The following PLIN4 variants were observed in gnomAD, a reference collection of about 807,000 sequenced individuals.
PLIN4 encodes the protein perilipin 4.
In PLIN4, 57 loss-of-function variants were observed where a neutral mutation model predicts 52.4. That is an observed-to-expected ratio of 1.09 (90% CI 0.88 to 1.36). The LOEUF is 1.36. PLIN4 is among the 40% of genes most tolerant of loss of function. PLIN4 has a pLI of 0.00. For missense variants in PLIN4, 1,757 were observed against 1,770.3 expected, an observed-to-expected ratio of 0.99 and a Z score of 0.13; for synonymous variants, 826 against 785.4, an observed-to-expected ratio of 1.05 and a Z score of -0.86.
At chr19:4,514,924 C>T (rs1283201109) in intron 4 of PLIN4, among the ~76,000 whole-genome samples, 1 of 151,322 alleles carries the variant, frequency 6.6e-6, no homozygotes, top group Non-Finnish European at 1.5e-5. Context: ...GCCTGTAATC[C>T]CAGCACTTTG....
Position 4,504,357 on chromosome 19 carries a change from T to G in PLIN4, c.*102A>C. 2 of 1,204,400 alleles carry G rather than the reference T, an allele frequency of 1.7e-6. No homozygotes were observed. Among genetic ancestry groups the G allele is most frequent in the Non-Finnish European group, 2.2e-6 (2 of 890,956 alleles). 74.6% of individuals were successfully genotyped at this position (1,204,400 alleles called of 1,614,324 possible). A position where few individuals can be genotyped will look rare whatever the true frequency, so the allele number is the denominator to read the frequency against. The stretch of plus-strand genomic sequence containing the variant: ...GCTGCAGCCCCAAAGGTCTAGGGCT[T>G]TAGGGAACCGATCCAGGTTTGGGGG... On this transcript the variant is annotated 3_prime_UTR_variant, in exon 8 of 8. Coordinates refer to ENST00000301286, the MANE Select transcript of PLIN4 (RefSeq NM_001367868.2).
rs371086662 is a variant in PLIN4, at chr19:4,510,572, C to T, written c.3388G>A (p.Gly1130Ser). Reference sequence around the variant, plus strand: ...GCCAAAAGCCCCGTGTCCTCCCTGCCTGGGGCGGCCCCTTGGGTGAACGTC... The same window carrying T: ...GCCAAAAGCCCCGTGTCCTCCCTGCTTGGGGCGGCCCCTTGGGTGAACGTC... ...VATFTQGAAP[G>S]REDTGLLATT... is the part of the protein sequence containing the mutation. The change falls in exon 5 of 8, where the codon GGC becomes AGC. Residue 1130 changes from glycine (G) to serine (S), a missense_variant. Gly to Ser is a moderately conservative substitution (Grantham distance 56). Coordinates refer to ENST00000301286, the MANE Select transcript of PLIN4 (RefSeq NM_001367868.2). 32 of 1,501,692 alleles carry T rather than the reference C, an allele frequency of 2.1e-5. No homozygotes were observed. In the African/African-American group the frequency reaches 4.3e-4, roughly 20 times the overall value. The allele number at this position is 1,501,692 out of a possible 1,614,324, so 93.0% of individuals were successfully genotyped here.
At chr19:4,515,512 G>A (rs1006906899) in intron 4 of PLIN4, among the ~76,000 whole-genome samples, 3 of 152,078 alleles carry the variant, frequency 2.0e-5, no homozygotes, top group African/African-American at 7.2e-5. Context: ...CAACTGATCT[G>A]CCTGCCTCAG....
At chr19:4,515,677 G>A (rs1976565829) in intron 4 of PLIN4, among the ~76,000 whole-genome samples, 8 of 152,212 alleles carry the variant, frequency 5.3e-5, no homozygotes, top group Admixed American at 5.2e-4. Context: ...GAGGCTCCTG[G>A]CATGGAGTAG....
At position 4,517,649 on chromosome 19, in the gene PLIN4, T is replaced by C; in HGVS notation, c.101A>G (p.Asn34Ser). Reference protein sequence around the residue: ...GSLPGFSSARNLVANAHSSAR... With the variant: ...GSLPGFSSARSLVANAHSSAR... ...CGAGCTATGTGCGTTGGCCACCAGG[T>C]TCCGGGCAGAGCTGAAGCCAGGCAG... Residue 34 changes from asparagine to serine, a missense_variant, in exon 3 of 8, where the codon AAC becomes AGC. Coordinates refer to ENST00000301286, the MANE Select transcript of PLIN4 (RefSeq NM_001367868.2). 1 of 1,606,980 alleles carries C rather than the reference T, an allele frequency of 6.2e-7. No individual in the cohort carries two copies.
chr19:4,511,940 C>G lies in PLIN4; in HGVS notation c.2020G>C (p.Ala674Pro). Residue 674 changes from alanine (A) to proline (P), a missense_variant, in exon 5 of 8, where the codon GCT becomes CCT. Coordinates refer to ENST00000301286, the MANE Select transcript of PLIN4 (RefSeq NM_001367868.2). ...GCAGCCCCTTTGGCCACATTCACAGCACTGGTCACCCCACTGCCAAAGGTG... is the reference window on the plus strand; with the variant it reads ...GCAGCCCCTTTGGCCACATTCACAGGACTGGTCACCCCACTGCCAAAGGTG... ...KNTFGSGVTS[A>P]VNVAKGAAQT... 6.3e-7 allele frequency: 1 copy of G among 1,598,290 alleles called. No individual in the cohort carries two copies. The highest frequency in any genetic ancestry group is 8.6e-7 in the Non-Finnish European group (1 of 1,169,330).
At chr19:4,507,516 C>G (rs910044921) in intron 6 of PLIN4, among the ~76,000 whole-genome samples, 1 of 152,180 alleles carries the variant, frequency 6.6e-6, no homozygotes, top group African/African-American at 2.4e-5. Flanking sequence ...AATCTAATCT[C>G]TACTAAAAAT....
intron 6 of PLIN4, among the ~76,000 whole-genome samples, chr19:4,507,187 G>T (rs1014310315): frequency 6.6e-6 from 1 of 152,246 alleles, no homozygotes; most frequent in Non-Finnish European, 1.5e-5. Flanking sequence ...AAACACAGTG[G>T]CCTAGGCTGC....
Position 4,513,478 on chromosome 19 carries a change from G to A in PLIN4, c.482C>T (p.Ser161Leu), listed in dbSNP as rs549753100. The change falls in exon 5 of 8, where the codon TCG (serine) becomes TTG (leucine). Residue 161 changes from serine to leucine, a missense_variant. Physicochemically the swap from Ser to Leu is moderately radical, Grantham distance 145. Coordinates refer to ENST00000301286, the MANE Select transcript of PLIN4 (RefSeq NM_001367868.2). ...CTTGGTGCCGGTGAGGACAGCCTTCGAGGTGTCCAGACCCCCTTGGACGGC... is the reference window on the plus strand; with the variant it reads ...CTTGGTGCCGGTGAGGACAGCCTTCAAGGTGTCCAGACCCCCTTGGACGGC... ...KGAVQGGLDT[S>L]KAVLTGTKDT... The A allele has an allele frequency of 1.4e-4, 228 of 1,613,274 alleles. 2 individuals are homozygous for A. In the South Asian group the frequency reaches 2.2e-3, roughly 15 times the overall value.
chr19:4,511,467 A>G lies in PLIN4; in HGVS notation c.2493T>C (p.Thr831=), dbSNP rs138464610. ...CAGCACCGGTGACCCCACTGCAGAC[A>G]GTGTCCTTGGTACCGGTCAGCACGG... ...AKTVLTGTKD[T]VCSGVTGAAN... The change falls in exon 5 of 8, where the codon ACT becomes ACC. Residue 831 remains threonine (T), a synonymous_variant. Coordinates refer to ENST00000301286, the MANE Select transcript of PLIN4 (RefSeq NM_001367868.2). 18,360 of 1,363,514 alleles carry G rather than the reference A, an allele frequency of 0.013. 3,100 individuals carry two copies. In the African/African-American group the frequency reaches 0.32, roughly 24 times the overall value. 84.5% of individuals were successfully genotyped at this position (1,363,514 alleles called of 1,614,324 possible).
chr19:4,516,383 G>C (rs564969396), intron 4 of PLIN4, among the ~76,000 whole-genome samples: 1 of 151,620 alleles, frequency 6.6e-6, no homozygotes, highest in African/African-American at 2.4e-5. Flanking sequence ...TGATTAGAGT[G>C]GGGTAGCACT....
chr19:4,503,737 C>G lies in PLIN4; in HGVS notation c.*722G>C, dbSNP rs1975999022. The G allele has an allele frequency of 6.5e-6, 1 of 152,906 alleles. No homozygotes were observed. Among genetic ancestry groups the G allele is most frequent in the Non-Finnish European group, 1.5e-5 (1 of 68,718 alleles). 9.5% of individuals were successfully genotyped at this position (152,906 alleles called of 1,614,324 possible). A position where few individuals can be genotyped will look rare whatever the true frequency, so the allele number is the denominator to read the frequency against. The stretch of plus-strand genomic sequence containing the variant: ...CAGCCTGTTTGCTTGTTTTTTGCAC[C>G]CCCCACCCCCTGCAAACTGCTCAGT... On this transcript the variant is annotated 3_prime_UTR_variant, in exon 8 of 8. Coordinates refer to ENST00000301286, the MANE Select transcript of PLIN4 (RefSeq NM_001367868.2).
Position 4,511,730 on chromosome 19 carries a change from C to A in PLIN4, c.2230G>T (p.Ala744Ser), listed in dbSNP as rs766789523. The A allele has an allele frequency of 6.3e-7, 1 of 1,591,006 alleles. No homozygotes were observed. The highest frequency in any genetic ancestry group is 1.3e-5 in the African/African-American group (1 of 74,306). Residue 744 changes from alanine to serine, a missense_variant, in exon 5 of 8, where the codon GCC becomes TCC. By Grantham distance (99) the Ala-to-Ser change is moderately conservative (BLOSUM62 1). Around this residue, in one of 7 missense-constraint regions of PLIN4, gnomAD observed 96 missense variants for 136.5 expected, o/e 0.70. Transcript: ENST00000301286. ...CSGVTGAANV[A>S]KGAIQGGLDT... is the part of the protein sequence containing the mutation. ...AGGCCCCCTTGGATGGCCCCTTTGG[C>A]CACATTCGCAGCACCGGTCACCCCA... is the stretch of plus-strand genomic sequence containing the variant.
rs117596498 is a variant in PLIN4, at chr19:4,509,753, A to G, written c.3514+693T>C. ...CCAGGAGTTTGAGACCAGCCTGGGC[A>G]ACATAGAGAGACAAAAAACATACAA... On this transcript the variant is annotated intron_variant, in intron 5 of 7. Coordinates refer to ENST00000301286, the MANE Select transcript of PLIN4 (RefSeq NM_001367868.2). Among the ~76,000 whole-genome samples, 706 of 152,136 alleles carry G rather than the reference A, an allele frequency of 4.6e-3. 7 individuals carry two copies. Among genetic ancestry groups the G allele is most frequent in the Admixed American group, 0.033 (510 of 15,262 alleles).
chr19:4,506,749 G>A (rs1246316833), intron 6 of PLIN4, among the ~76,000 whole-genome samples: 2 of 152,264 alleles, frequency 1.3e-5, no homozygotes, highest in African/African-American at 4.8e-5. Flanking sequence ...AGGATTCAAA[G>A]GTGGGAAAAT....
At chr19:4,504,825 C>A in intron 7 of PLIN4, 36 bp downstream of exon 7, 1 of 1,602,766 alleles carries the variant, frequency 6.2e-7, no homozygotes, top group Non-Finnish European at 8.5e-7. Flanking sequence ...GACCCATGGG[C>A]GGGGTGGGGG....
At chr19:4,518,001 A>T (rs543446003) in intron 2 of PLIN4, among the ~76,000 whole-genome samples, 1 of 152,322 alleles carries the variant, frequency 6.6e-6, no homozygotes, top group South Asian at 2.1e-4. Flanking sequence ...GGCCGGCCCA[A>T]GGTCACTTGC....
chr19:4,510,235 G>A (rs1005425154), intron 5 of PLIN4, among the ~76,000 whole-genome samples: 4 of 150,746 alleles, frequency 2.7e-5, no homozygotes, highest in East Asian at 4.0e-4. Flanking sequence ...GTGTGGTGGT[G>A]GGCGCCTGTA....
At chr19:4,508,064 C>T (rs1187536356) in intron 6 of PLIN4, among the ~76,000 whole-genome samples, 1 of 152,172 alleles carries the variant, frequency 6.6e-6, no homozygotes, top group Non-Finnish European at 1.5e-5. Flanking sequence ...TTCACTTTAC[C>T]CAGCCACAGC....
Sources: allele counts gnomAD v4.1 joint callset (sites outside exome capture counted in the v4.1 genomes callset), GRCh38; gene constraint gnomAD v4.1.1; regional missense constraint gnomAD v4.1.1; transcripts MANE v1.5; gene names NCBI Gene and HGNC (gene_info 2026-07-23, HGNC 2026-07-21).